Variants in CNTN5 observed in about 807,000 individuals in gnomAD.
CNTN5 encodes the protein contactin 5, also known as contactin-5.
Under a neutral mutation model 129.1 loss-of-function variants are expected in CNTN5, and 77 were observed. The ratio of observed to expected loss-of-function variants is 0.60; its 90% confidence interval spans 0.50 to 0.72. The LOEUF is 0.72. Among genes scored for constraint, CNTN5 ranks in the 30% least tolerant of loss-of-function variants. CNTN5 has a pLI of 0.00. For missense variants in CNTN5, 1,478 were observed against 1,328.8 expected (o/e 1.11, Z -1.75); for synonymous variants, 509 against 465.6 (o/e 1.09, Z -1.20).
intron 7 of CNTN5, among the ~76,000 whole-genome samples, chr11:99,931,123 A>G (rs994899063): frequency 1.3e-5 from 2 of 152,186 alleles, no homozygotes; most frequent in Non-Finnish European, 1.5e-5. Flanking sequence ...TTATCAACAG[A>G]TACATTTTGA....
rs1205081710 is a variant in CNTN5, at chr11:99,273,911, C to A, written c.-209-51435C>A. On this transcript the variant is annotated intron_variant, in intron 1 of 24. Transcript: ENST00000524871. ...AAAAAAATACATTGCTTCTTAGGAA[C>A]TTTTAGGGAAGAAAAAGATATTACC... Among the ~76,000 whole-genome samples the A allele has an allele frequency of 2.0e-5, 3 of 151,638 alleles. No individual in the cohort carries two copies. In the East Asian group the frequency reaches 5.8e-4, roughly 30 times the overall value.
intron 3 of CNTN5, among the ~76,000 whole-genome samples, chr11:99,597,186 A>G (rs1950152426): frequency 1.3e-5 from 2 of 152,182 alleles, no homozygotes; most frequent in Admixed American, 1.3e-4. Flanking sequence ...TAACAAATAT[A>G]ATTGAATATT....
intron 18 of CNTN5, among the ~76,000 whole-genome samples, chr11:100,277,068 T>C (rs760395878): frequency 6.6e-6 from 1 of 152,116 alleles, no homozygotes; most frequent in Non-Finnish European, 1.5e-5. Flanking sequence ...AGTGAGAACA[T>C]GTGATGTTTG....
intron 2 of CNTN5, among the ~76,000 whole-genome samples, chr11:99,511,854 T>G (rs530366932): frequency 3.2e-4 from 48 of 151,748 alleles, no homozygotes; most frequent in African/African-American, 1.0e-3. Flanking sequence ...AAATAAATAA[T>G]TTTGAATATG....
At chr11:99,457,030 A>G (rs758937527) in intron 2 of CNTN5, among the ~76,000 whole-genome samples, 7 of 152,026 alleles carry the variant, frequency 4.6e-5, no homozygotes, top group Non-Finnish European at 8.8e-5. Context: ...AACAGAATTT[A>G]AACTCTAATC....
At chr11:99,329,647 A>T (rs1865922697) in intron 2 of CNTN5, among the ~76,000 whole-genome samples, 1 of 152,164 alleles carries the variant, frequency 6.6e-6, no homozygotes, top group Non-Finnish European at 1.5e-5. Flanking sequence ...TTAACTAGAT[A>T]CAGACTTCTG....
At chr11:99,970,685 G>A (rs537173658) in intron 8 of CNTN5, among the ~76,000 whole-genome samples, 23 of 152,224 alleles carry the variant, frequency 1.5e-4, no homozygotes, top group South Asian at 4.1e-4. Context: ...GGGGAGGTGC[G>A]GGGGTATTGC....
At chr11:99,262,666 A>T (rs1269405316) in intron 1 of CNTN5, among the ~76,000 whole-genome samples, 1 of 151,648 alleles carries the variant, frequency 6.6e-6, no homozygotes, top group Non-Finnish European at 1.5e-5. Flanking sequence ...ATGAATACCA[A>T]GTGAAGTTTA....
chr11:100,270,042 G>C (rs75706639), intron 17 of CNTN5, among the ~76,000 whole-genome samples: 3,687 of 152,264 alleles, frequency 0.024, 144 homozygotes, highest in African/African-American at 0.083. Context: ...AGTGCAGCAA[G>C]AGGGAACAGA....
At chr11:99,201,337 CTTCCTTCCTTTCCT>C (rs1313954177) in intron 1 of CNTN5, among the ~76,000 whole-genome samples, 1 of 80,364 alleles carries the variant, frequency 1.2e-5, no homozygotes, top group Non-Finnish European at 2.3e-5. Flanking sequence ...TCCTTCCTTC[CTTCCTTCCTTTCCT>C]TTCCTTCCTT....
chr11:99,576,957 A>G (rs961000822), intron 3 of CNTN5, among the ~76,000 whole-genome samples: 1 of 152,204 alleles, frequency 6.6e-6, no homozygotes, highest in Non-Finnish European at 1.5e-5. Flanking sequence ...CATTCAGACC[A>G]CAGCACAAAT....
intron 1 of CNTN5, among the ~76,000 whole-genome samples, chr11:99,270,325 C>A (rs1157273694): frequency 6.6e-6 from 1 of 151,688 alleles, no homozygotes; most frequent in African/African-American, 2.4e-5. Context: ...TTAATCTACA[C>A]CATCTTCAGT....
intron 1 of CNTN5, among the ~76,000 whole-genome samples, chr11:99,212,692 A>C (rs1026837452): frequency 6.6e-6 from 1 of 151,922 alleles, no homozygotes; most frequent in African/African-American, 2.4e-5. Context: ...TATTTAGGGG[A>C]ATTCTGAAAG....
intron 2 of CNTN5, among the ~76,000 whole-genome samples, chr11:99,487,600 C>T (rs2135337385): frequency 6.6e-6 from 1 of 152,264 alleles, no homozygotes; most frequent in African/African-American, 2.4e-5. Context: ...TTCTTATTTC[C>T]TTATGTTGTG....
chr11:99,133,381 C>CA (rs34196692), intron 1 of CNTN5, among the ~76,000 whole-genome samples: 135,954 of 150,686 alleles, frequency 0.9, 61,501 homozygotes, highest in East Asian at 0.99. Context: ...AAAGCAATTG[C>CA]AAAAAAAAGG....
intron 6 of CNTN5, among the ~76,000 whole-genome samples, chr11:99,863,882 T>C (rs1407067632): frequency 6.6e-6 from 1 of 152,144 alleles, no homozygotes; most frequent in Non-Finnish European, 1.5e-5. Flanking sequence ...AACAGATGGA[T>C]AGTGGAATTT....
intron 16 of CNTN5, among the ~76,000 whole-genome samples, chr11:100,245,154 A>G (rs1007108260): frequency 6.6e-6 from 1 of 152,112 alleles, no homozygotes; most frequent in African/African-American, 2.4e-5. Context: ...GCAAGGGCCC[A>G]CAGGTTTGTT....
intron 17 of CNTN5, among the ~76,000 whole-genome samples, chr11:100,256,679 C>T (rs993981514): frequency 5.3e-5 from 8 of 152,090 alleles, no homozygotes; most frequent in African/African-American, 1.9e-4. Context: ...GGCATTGCCT[C>T]ACCCAGGAAG....
intron 6 of CNTN5, among the ~76,000 whole-genome samples, chr11:99,845,735 A>G (rs977860428): frequency 1.3e-5 from 2 of 152,162 alleles, no homozygotes; most frequent in Non-Finnish European, 2.9e-5. Flanking sequence ...TTGATAAACT[A>G]GCCTGACAGG....
Sources: allele counts gnomAD v4.1 joint callset (sites outside exome capture counted in the v4.1 genomes callset), GRCh38; gene constraint gnomAD v4.1.1; transcripts MANE v1.5; gene names NCBI Gene and HGNC (gene_info 2026-07-23, HGNC 2026-07-21).